The following ZBBX variants were observed in gnomAD, a reference collection of about 807,000 sequenced individuals.
ZBBX encodes the protein zinc finger B-box domain containing.
ZBBX carries 101 observed loss-of-function variants against 108.5 expected under a neutral mutation model. That is an observed-to-expected ratio of 0.93 (90% CI 0.79 to 1.10). The LOEUF is 1.10. ZBBX is among the 50% of genes least tolerant of loss of function. The pLI, the probability that ZBBX is intolerant of heterozygous loss-of-function variation, is 0.00. For missense variants in ZBBX, 1,009 were observed against 941.4 expected, an observed-to-expected ratio of 1.07 and a Z score of -0.94; for synonymous variants, 356 against 323.4, an observed-to-expected ratio of 1.10 and a Z score of -1.08.
intron 17 of ZBBX, among the ~76,000 whole-genome samples, chr3:167,303,531 T>C (rs1182330109): frequency 6.6e-6 from 1 of 152,198 alleles, no homozygotes; most frequent in Non-Finnish European, 1.5e-5. Flanking sequence ...GTTTAATTTC[T>C]TCCTTTTTTA....
the ZBBX span, among the ~76,000 whole-genome samples, chr3:167,231,014 G>T: frequency 6.6e-6 from 1 of 151,740 alleles, no homozygotes; most frequent in Non-Finnish European, 1.5e-5. Context: ...TGAAGAAAAA[G>T]AGGATTCGAA....
chr3:167,325,305 T>C (rs1162181806), intron 11 of ZBBX, among the ~76,000 whole-genome samples: 1 of 152,096 alleles, frequency 6.6e-6, no homozygotes, highest in Non-Finnish European at 1.5e-5. Context: ...GGAGGCCTCA[T>C]AATCATGACA....
chr3:167,390,200 G>A (rs1748045699), intron 1 of ZBBX, among the ~76,000 whole-genome samples: 1 of 152,032 alleles, frequency 6.6e-6, no homozygotes, highest in African/African-American at 2.4e-5. Context: ...AGTTTTCCTA[G>A]CACCATTTAT....
chr3:167,215,895 T>C, the ZBBX span, among the ~76,000 whole-genome samples: 1 of 152,152 alleles, frequency 6.6e-6, no homozygotes, highest in Non-Finnish European at 1.5e-5. Context: ...ATTATATCAG[T>C]ACATGCAGAA....
chr3:167,252,932 T>C (rs1722867991), intron 20 of ZBBX, among the ~76,000 whole-genome samples: 1 of 152,200 alleles, frequency 6.6e-6, no homozygotes, highest in African/African-American at 2.4e-5. Context: ...AAAAACTGTA[T>C]GTTTGTCCTT....
intron 18 of ZBBX, among the ~76,000 whole-genome samples, chr3:167,295,709 G>T (rs1373347405): frequency 1.7e-5 from 1 of 60,224 alleles, no homozygotes; most frequent in African/African-American, 6.3e-5. Context: ...CAAAAAATTG[G>T]AATATATATA....
At chr3:167,237,660 T>C (rs950734836), downstream of ZBBX, among the ~76,000 whole-genome samples, 2 of 151,898 alleles carry the variant, frequency 1.3e-5, no homozygotes, top group African/African-American at 4.8e-5. Flanking sequence ...TAAAGAACTT[T>C]CTATATGAGT....
intron 1 of ZBBX, among the ~76,000 whole-genome samples, chr3:167,394,310 C>T (rs1001755092): frequency 1.3e-5 from 2 of 151,866 alleles, no homozygotes; most frequent in Non-Finnish European, 2.9e-5. Context: ...ATTTGCTATT[C>T]GAAGACTTTA....
intron 12 of ZBBX, among the ~76,000 whole-genome samples, chr3:167,321,036 C>G (rs377150252): frequency 6.6e-6 from 1 of 152,090 alleles, no homozygotes; most frequent in East Asian, 1.9e-4. Context: ...ATGTACAGTT[C>G]TCAATAATAT....
At chr3:167,272,343 A>C (rs1038168197) in intron 20 of ZBBX, among the ~76,000 whole-genome samples, 7 of 152,292 alleles carry the variant, frequency 4.6e-5, no homozygotes, top group South Asian at 4.1e-4. Flanking sequence ...TGGTACAGGC[A>C]CCACTCCTAG....
intron 4 of ZBBX, among the ~76,000 whole-genome samples, chr3:167,369,384 A>G (rs1399509540): frequency 9.2e-5 from 14 of 152,228 alleles, no homozygotes; most frequent in Admixed American, 9.2e-4. Context: ...AATAAAGTTC[A>G]TAAAGGAGAA....
chr3:167,365,219 T>G (rs1370095575), intron 6 of ZBBX, among the ~76,000 whole-genome samples: 1 of 151,700 alleles, frequency 6.6e-6, no homozygotes. Context: ...ACTGACCCAA[T>G]GAAAGTTTAA....
At chr3:167,386,731 T>A (rs992095930) in intron 1 of ZBBX, among the ~76,000 whole-genome samples, 7 of 152,054 alleles carry the variant, frequency 4.6e-5, no homozygotes, top group Admixed American at 1.3e-4. Flanking sequence ...AGAGAAAAAG[T>A]CATTTATTTC....
At chr3:167,394,034 A>G (rs1748157778) in intron 1 of ZBBX, among the ~76,000 whole-genome samples, 1 of 151,976 alleles carries the variant, frequency 6.6e-6, no homozygotes, top group Non-Finnish European at 1.5e-5. Flanking sequence ...GATTTTCCAT[A>G]CATACCAAAA....
intron 1 of ZBBX, among the ~76,000 whole-genome samples, chr3:167,393,682 A>T (rs1300370094): frequency 6.6e-6 from 1 of 151,950 alleles, no homozygotes; most frequent in Non-Finnish European, 1.5e-5. Context: ...CTGAAGAAGA[A>T]ACTAGAGATA....
At chr3:167,183,247 C>A in the ZBBX span, among the ~76,000 whole-genome samples, 1 of 152,176 alleles carries the variant, frequency 6.6e-6, no homozygotes, top group Non-Finnish European at 1.5e-5. Context: ...AAGGTGGAAC[C>A]AACCAGAGCC....
chr3:167,362,492 C>A (rs148945325), intron 6 of ZBBX, among the ~76,000 whole-genome samples: 1 of 152,164 alleles, frequency 6.6e-6, no homozygotes, highest in South Asian at 2.1e-4. Flanking sequence ...ATCTTTCAGA[C>A]GTTCTCACTG....
rs141290190 is a variant in ZBBX at position 167,248,479 on chromosome 3, G to A, written c.2255-5836C>T. ...TTTTTTCCTCTTCTAAGTGAGAGGC[G>A]TCCCCCACCACCAACTCTGTTTCTA... On this transcript the variant is annotated intron_variant, in intron 20 of 21. Coordinates refer to ENST00000675490, the MANE Select transcript of ZBBX (RefSeq NM_001199201.2). The A allele has an allele frequency of 1.3e-3, 292 of 217,750 alleles. 3 individuals carry two copies. In the East Asian group the frequency reaches 0.032, roughly 24 times the overall value. 13.5% of individuals were successfully genotyped at this position (217,750 alleles called of 1,614,324 possible).
At chr3:167,180,266 G>A in the ZBBX span, among the ~76,000 whole-genome samples, 6 of 152,200 alleles carry the variant, frequency 3.9e-5, no homozygotes, top group African/African-American at 1.4e-4. Flanking sequence ...GTGAGACTAG[G>A]ATCTCCTCTA....
Sources: allele counts gnomAD v4.1 joint callset (sites outside exome capture counted in the v4.1 genomes callset), GRCh38; gene constraint gnomAD v4.1.1; transcripts MANE v1.5; gene names NCBI Gene and HGNC (gene_info 2026-07-23, HGNC 2026-07-21).